The following AOPEP variants were observed in gnomAD, a reference collection of about 807,000 sequenced individuals.
AOPEP encodes the protein aminopeptidase O (putative), also known as aminopeptidase O.
In AOPEP, 77 loss-of-function variants were observed where a neutral mutation model predicts 98.1. The observed-to-expected ratio is 0.78, with a 90% CI of 0.65 to 0.95. AOPEP has a LOEUF of 0.95. Ranked by LOEUF, AOPEP falls within the 40% of genes least tolerant of loss-of-function variation. The pLI is 0.00. For synonymous variants in AOPEP, 346 were observed against 365.3 expected (o/e 0.95, Z 0.60); for missense variants, 1,024 against 1,024.7 (o/e 1.00, Z 0.01).
At chr9:95,028,503 A>G (rs919313866) in intron 13 of AOPEP, among the ~76,000 whole-genome samples, 1 of 151,790 alleles carries the variant, frequency 6.6e-6, no homozygotes, top group East Asian at 1.9e-4. Flanking sequence ...GGGCTTAGAA[A>G]TTCTTTTATG....
chr9:94,750,576 T>G lies in AOPEP; in HGVS notation c.-135-9073T>G, dbSNP rs192070433. On this transcript the variant is annotated intron_variant, in intron 1 of 16. Transcript: ENST00000375315. ...CTCCAGCCTGGCGACAGAGCGAGAC[T>G]CCGTCTCAAAAAAACAAAACAAAAC... Among the ~76,000 whole-genome samples, 775 of 151,882 alleles carry G rather than the reference T, an allele frequency of 5.1e-3. 6 individuals carry two copies. Among genetic ancestry groups the G allele is most frequent in the Middle Eastern group, 0.038 (11 of 290 alleles).
chr9:95,125,132 A>G, the AOPEP span: 1 of 1,614,208 alleles, frequency 6.2e-7, no homozygotes, highest in Non-Finnish European at 8.5e-7. Flanking sequence ...CTGCGTAAAC[A>G]CCTGAATAGT....
chr9:95,001,310 A>G (rs1004568251), intron 11 of AOPEP, among the ~76,000 whole-genome samples: 4 of 152,256 alleles, frequency 2.6e-5, no homozygotes, highest in African/African-American at 9.6e-5. Context: ...GTCTTCAGCT[A>G]TTATGAACTG....
chr9:95,007,180 G>A (rs548962199), intron 13 of AOPEP, among the ~76,000 whole-genome samples: 4 of 152,278 alleles, frequency 2.6e-5, no homozygotes, highest in African/African-American at 7.2e-5. Context: ...GATTACAGGC[G>A]TGAGCCACTG....
chr9:95,127,267 CCTAT>C, the AOPEP span: 3 of 152,666 alleles, frequency 2.0e-5, no homozygotes, highest in African/African-American at 7.2e-5. Context: ...TCCCTGGTTC[CCTAT>C]CTTTTTGGCC....
chr9:94,981,672 G>A (rs1185039053), intron 11 of AOPEP, among the ~76,000 whole-genome samples: 9 of 152,154 alleles, frequency 5.9e-5, no homozygotes, highest in Non-Finnish European at 1.3e-4. Context: ...CCGGTTGCAG[G>A]AGGCTTGTGG....
At chr9:94,919,001 C>T (rs1181556112) in intron 5 of AOPEP, among the ~76,000 whole-genome samples, 1 of 151,770 alleles carries the variant, frequency 6.6e-6, no homozygotes, top group Non-Finnish European at 1.5e-5. Flanking sequence ...CTGTAACCTC[C>T]GCCTCCCAGG....
chr9:95,102,010 G>A, the AOPEP span, among the ~76,000 whole-genome samples: 2 of 152,214 alleles, frequency 1.3e-5, no homozygotes, highest in Non-Finnish European at 2.9e-5. Context: ...TTTGCAAGGT[G>A]ATTAGCATAG....
At chr9:95,013,904 A>C (rs907636800) in intron 13 of AOPEP, among the ~76,000 whole-genome samples, 1 of 152,056 alleles carries the variant, frequency 6.6e-6, no homozygotes, top group Non-Finnish European at 1.5e-5. Context: ...TTTTCTATAC[A>C]TTCCAATAAT....
intron 5 of AOPEP, among the ~76,000 whole-genome samples, chr9:94,838,909 CT>C (rs35849023): frequency 0.03 from 3,037 of 99,586 alleles, 24 homozygotes; most frequent in African/African-American, 0.12. Flanking sequence ...AAATGCTATT[CT>C]TTTTTTTTTT....
the AOPEP span, among the ~76,000 whole-genome samples, chr9:95,093,694 C>T: frequency 6.6e-6 from 1 of 152,100 alleles, no homozygotes; most frequent in African/African-American, 2.4e-5. Context: ...AGCACGTGTG[C>T]AGGCCCTGCT....
chr9:95,117,278 A>G, the AOPEP span: 1 of 1,585,388 alleles, frequency 6.3e-7, no homozygotes, highest in Admixed American at 1.7e-5. Context: ...CTTCCCAGGA[A>G]ATCATTCTGA....
chr9:94,849,665 A>G (rs1304382235), intron 5 of AOPEP, among the ~76,000 whole-genome samples: 3 of 152,060 alleles, frequency 2.0e-5, no homozygotes, highest in Non-Finnish European at 4.4e-5. Context: ...ATCATCAGGC[A>G]TTAGAGTCAC....
chr9:94,860,014 T>G (rs1186883077), intron 5 of AOPEP, among the ~76,000 whole-genome samples: 1 of 152,138 alleles, frequency 6.6e-6, no homozygotes, highest in Non-Finnish European at 1.5e-5. Flanking sequence ...ATTAAACAAA[T>G]ATTCTCAAAA....
At chr9:94,839,607 C>A (rs1174475606) in intron 5 of AOPEP, among the ~76,000 whole-genome samples, 1 of 152,076 alleles carries the variant, frequency 6.6e-6, no homozygotes. Flanking sequence ...TGATTTGTAT[C>A]CAGTCATTTT....
At position 94,981,946 on chromosome 9, in the gene AOPEP, C is replaced by T. The variant is rs143232154; in HGVS notation, c.1977+2519C>T. 1.0e-3 allele frequency among the ~76,000 whole-genome samples: 159 copies of T among 152,212 alleles called. 2 individuals carry two copies. In the East Asian group the frequency reaches 0.013, roughly 13 times the overall value. Reference sequence around the variant, plus strand: ...TGGCCTCGATTTTCCTTTTTGGCTACGTTGAATGGAAATCATTTTTAAAAA... The same window carrying T: ...TGGCCTCGATTTTCCTTTTTGGCTATGTTGAATGGAAATCATTTTTAAAAA... On this transcript the variant is annotated intron_variant, in intron 11 of 16. Transcript: ENST00000375315.
At chr9:94,894,763 C>T (rs547090195) in intron 5 of AOPEP, among the ~76,000 whole-genome samples, 3 of 152,294 alleles carry the variant, frequency 2.0e-5, no homozygotes, top group East Asian at 3.9e-4. Context: ...CTATAAGCTA[C>T]TCTTATTTGT....
intron 9 of AOPEP, among the ~76,000 whole-genome samples, chr9:94,962,755 C>T (rs1403144480): frequency 6.9e-5 from 8 of 115,578 alleles, no homozygotes; most frequent in Admixed American, 2.7e-4. Flanking sequence ...TTTTTTGAGA[C>T]GAAGTCTCAC....
intron 11 of AOPEP, among the ~76,000 whole-genome samples, chr9:94,994,843 C>T (rs1290495057): frequency 1.3e-5 from 2 of 152,044 alleles, no homozygotes; most frequent in African/African-American, 2.4e-5. Flanking sequence ...CCCAGCTACT[C>T]GGGAGGCTGA....
Sources: allele counts gnomAD v4.1 joint callset (sites outside exome capture counted in the v4.1 genomes callset), GRCh38; gene constraint gnomAD v4.1.1; transcripts MANE v1.5; gene names NCBI Gene and HGNC (gene_info 2026-07-23, HGNC 2026-07-21).